The following FBXO34 variants were observed in gnomAD, a reference collection of about 807,000 sequenced individuals.
FBXO34 encodes the protein F-box only protein 34.
Under a neutral mutation model 24.5 loss-of-function variants are expected in FBXO34, and 12 were observed. The ratio of observed to expected loss-of-function variants is 0.49; its 90% CI spans 0.31 to 0.79. The LOEUF is 0.79. FBXO34 is among the 30% of genes least tolerant of loss of function. The pLI, the probability that FBXO34 is intolerant of heterozygous loss-of-function variation, is 0.04. For missense variants in FBXO34, 823 were observed against 857.7 expected, an observed-to-expected ratio of 0.96 and a Z score of 0.51; for synonymous variants, 320 against 311.9, an observed-to-expected ratio of 1.03 and a Z score of -0.27.
the FBXO34 span, chr14:55,395,222 C>T: frequency 2.7e-6 from 1 of 366,674 alleles, no homozygotes; most frequent in Non-Finnish European, 5.5e-6. Flanking sequence ...AGCTGACCTT[C>T]CTCTTGGGCA....
the FBXO34 span, among the ~76,000 whole-genome samples, chr14:55,415,382 T>A: frequency 6.6e-6 from 1 of 152,228 alleles, no homozygotes; most frequent in Non-Finnish European, 1.5e-5. Flanking sequence ...ATGGCTCAGC[T>A]ACTGTGGAAA....
chr14:55,385,881 C>T, the FBXO34 span: 53 of 1,611,892 alleles, frequency 3.3e-5, no homozygotes, highest in Non-Finnish European at 4.2e-5. Flanking sequence ...TTTACTTCCT[C>T]GATTGGAAAA....
At chr14:55,402,929 ATATATATATATATATATAT>A in the FBXO34 span, among the ~76,000 whole-genome samples, 3 of 16,374 alleles carry the variant, frequency 1.8e-4, no homozygotes, top group African/African-American at 6.8e-4. Context: ...AAAAAAAAAT[ATATATATATATATATATAT>A]ATATATATAT....
chr14:55,347,538 A>G (rs982404285), intron 1 of FBXO34, among the ~76,000 whole-genome samples: 30 of 152,114 alleles, frequency 2.0e-4, no homozygotes, highest in African/African-American at 7.2e-4. Context: ...TGGTGCCTAA[A>G]TGTCCTGCTT....
the FBXO34 span, among the ~76,000 whole-genome samples, chr14:55,420,918 G>A: frequency 1.5e-4 from 23 of 151,992 alleles, no homozygotes; most frequent in African/African-American, 5.1e-4. Flanking sequence ...AAAATTAGCT[G>A]GGCATAGTGG....
chr14:55,348,872 AC>A (rs1294048473), intron 1 of FBXO34, among the ~76,000 whole-genome samples: 1 of 151,868 alleles, frequency 6.6e-6, no homozygotes, highest in African/African-American at 2.4e-5. Context: ...GAAATCAGTT[AC>A]CACAGAGGCT....
chr14:55,386,799 G>T, the FBXO34 span, among the ~76,000 whole-genome samples: 1 of 152,158 alleles, frequency 6.6e-6, no homozygotes. Context: ...ACCTGCTAGG[G>T]CTGTTGGGCT....
At chr14:55,342,041 C>T (rs1282946117) in intron 1 of FBXO34, among the ~76,000 whole-genome samples, 3 of 152,098 alleles carry the variant, frequency 2.0e-5, no homozygotes, top group Non-Finnish European at 2.9e-5. Flanking sequence ...TTAGGTGTTG[C>T]ATTTATTGCG....
downstream of FBXO34, among the ~76,000 whole-genome samples, chr14:55,358,458 C>T (rs574572982): frequency 3.3e-5 from 5 of 152,350 alleles, no homozygotes; most frequent in African/African-American, 1.2e-4. Context: ...TCCTCCCACC[C>T]TCTGTACTGA....
downstream of FBXO34, chr14:55,366,521 C>T (rs1175233988): frequency 6.6e-6 from 1 of 152,616 alleles, no homozygotes; most frequent in South Asian, 2.1e-4. Context: ...TTCTCGGACA[C>T]TAGTCCTCTA....
intron 1 of FBXO34, among the ~76,000 whole-genome samples, chr14:55,288,989 T>C (rs148852029): frequency 0.015 from 2,257 of 152,212 alleles, 34 homozygotes; most frequent in Non-Finnish European, 0.024. Context: ...AGGTGGAGGT[T>C]GCAGTGAACT....
the FBXO34 span, among the ~76,000 whole-genome samples, chr14:55,421,297 T>C: frequency 2.1e-3 from 321 of 152,238 alleles, 3 homozygotes; most frequent in East Asian, 1.2e-3. Flanking sequence ...ACTATTCAAT[T>C]TTATTGGCAG....
At chr14:55,416,719 G>T in the FBXO34 span, among the ~76,000 whole-genome samples, 2 of 152,190 alleles carry the variant, frequency 1.3e-5, no homozygotes, top group Non-Finnish European at 2.9e-5. Flanking sequence ...TGGTTTGATG[G>T]ACTTTTTGGG....
At chr14:55,332,427 T>G (rs2140052034) in intron 1 of FBXO34, among the ~76,000 whole-genome samples, 1 of 152,286 alleles carries the variant, frequency 6.6e-6, no homozygotes, top group South Asian at 2.1e-4. Context: ...TGAACCGAGG[T>G]CTGGAGCTAT....
chr14:55,340,866 T>G (rs567970727), intron 1 of FBXO34, among the ~76,000 whole-genome samples: 2 of 152,344 alleles, frequency 1.3e-5, no homozygotes, highest in Admixed American at 6.5e-5. Flanking sequence ...AGAGAGAGCC[T>G]TTTGTTTGAG....
chr14:55,286,947 C>CTTA (rs916142394), intron 1 of FBXO34, among the ~76,000 whole-genome samples: 4 of 118,908 alleles, frequency 3.4e-5, no homozygotes, highest in African/African-American at 1.3e-4. Flanking sequence ...CTCGCTTTTT[C>CTTA]GCCCAGGCTG....
At chr14:55,375,490 A>AATTTTTTTTTTTTTT in the FBXO34 span, among the ~76,000 whole-genome samples, 2 of 117,798 alleles carry the variant, frequency 1.7e-5, no homozygotes, top group African/African-American at 3.4e-5. Context: ...GCCGGGCTAA[A>AATTTTTTTTTTTTTT]TTTTTTTTTT....
At chr14:55,409,211 T>C in the FBXO34 span, among the ~76,000 whole-genome samples, 2 of 152,184 alleles carry the variant, frequency 1.3e-5, no homozygotes, top group Non-Finnish European at 1.5e-5. Flanking sequence ...AAGAAAAGTA[T>C]AGGATAACTC....
At position 55,351,218 on chromosome 14, in the gene FBXO34, A is replaced by G; in HGVS notation, c.828A>G (p.Pro276=). The change falls in exon 2 of 2, where the codon CCA becomes CCG. Residue 276 remains proline, a synonymous_variant. Coordinates refer to ENST00000313833, the MANE Select transcript of FBXO34 (RefSeq NM_017943.4). ...AGGTTGGTGAACCACAGAGCGAACCAGTCCGTGTCCTTGACATGGTAGCCA... is the reference window on the plus strand; with the variant it reads ...AGGTTGGTGAACCACAGAGCGAACCGGTCCGTGTCCTTGACATGGTAGCCA... ...NLEVGEPQSE[P]VRVLDMVAKL... The G allele has an allele frequency of 6.2e-7, 1 of 1,614,244 alleles. No homozygotes were observed. The highest frequency in any genetic ancestry group is 8.5e-7 in the Non-Finnish European group (1 of 1,180,042).
Sources: gnomAD v4.1 joint callset for allele counts (sites outside exome capture counted in the v4.1 genomes callset) on GRCh38, gnomAD v4.1.1 for gene constraint, MANE v1.5 for transcripts, NCBI Gene and HGNC (gene_info 2026-07-23, HGNC 2026-07-21) for gene names.